Variants in POLR3B observed in about 807,000 individuals in gnomAD.
POLR3B encodes DNA-directed RNA polymerase III subunit RPC2.
POLR3B carries 96 observed loss-of-function variants against 147.4 expected under a neutral mutation model. That is an observed-to-expected ratio of 0.65 (90% CI 0.55 to 0.77). The LOEUF (loss-of-function observed/expected upper bound fraction) is 0.77, where lower values mean the gene tolerates loss of function less well. Among genes scored for constraint, POLR3B ranks in the 30% least tolerant of loss-of-function variants. POLR3B has a pLI of 0.00. For missense variants in POLR3B, 1,036 were observed against 1,413.5 expected (o/e 0.73, Z 4.28); for synonymous variants, 461 against 485.9 (o/e 0.95, Z 0.67).
chr12:106,461,331 G>A (rs2037931432), intron 22 of POLR3B, among the ~76,000 whole-genome samples: 1 of 152,076 alleles, frequency 6.6e-6, no homozygotes, highest in Admixed American at 6.6e-5. Context: ...TTCACCTCAT[G>A]ATCTGCCCAC....
At chr12:106,498,840 C>T (rs1271756190) in intron 25 of POLR3B, among the ~76,000 whole-genome samples, 1 of 152,190 alleles carries the variant, frequency 6.6e-6, no homozygotes, top group Non-Finnish European at 1.5e-5. Context: ...CCTGCCTCGG[C>T]CTCCCAAAGT....
intron 12 of POLR3B, among the ~76,000 whole-genome samples, chr12:106,418,881 T>C (rs1396431183): frequency 6.6e-6 from 1 of 152,234 alleles, no homozygotes; most frequent in Non-Finnish European, 1.5e-5. Flanking sequence ...TGAGGCAGTA[T>C]TTCTGTTGAC....
chr12:106,430,133 A>G (rs1333839076), intron 13 of POLR3B, 140 bp from the exon 14 acceptor site: 5 of 750,758 alleles, frequency 6.7e-6, no homozygotes, highest in Non-Finnish European at 1.2e-5. Flanking sequence ...TAATTGTGAC[A>G]CTTTGATTTC....
chr12:106,383,654 G>A (rs2036795078), intron 9 of POLR3B, among the ~76,000 whole-genome samples: 1 of 152,040 alleles, frequency 6.6e-6, no homozygotes. Context: ...ACGGTTTGTG[G>A]CACCCCAAAA....
chr12:106,467,609 T>C (rs2038024288), intron 23 of POLR3B, among the ~76,000 whole-genome samples: 2 of 152,214 alleles, frequency 1.3e-5, no homozygotes, highest in African/African-American at 2.4e-5. Flanking sequence ...TAGCTCTTAT[T>C]ATTTTGAGGT....
chr12:106,495,996 A>C (rs948156875), intron 23 of POLR3B, 59 bp from the exon 24 acceptor site: 7 of 950,070 alleles, frequency 7.4e-6, no homozygotes, highest in African/African-American at 6.4e-5. Context: ...CCAATTAAGT[A>C]CTGTATTCTT....
intron 23 of POLR3B, among the ~76,000 whole-genome samples, chr12:106,494,812 AC>A (rs1270164141): frequency 6.6e-6 from 1 of 152,198 alleles, no homozygotes; most frequent in Non-Finnish European, 1.5e-5. Flanking sequence ...GCCAATTTAA[AC>A]TAACTACATG....
chr12:106,364,355 G>A (rs1426799466), intron 2 of POLR3B, among the ~76,000 whole-genome samples: 4 of 152,188 alleles, frequency 2.6e-5, no homozygotes, highest in African/African-American at 9.6e-5. Flanking sequence ...ATGTGGTGTC[G>A]GGCTTCAATT....
chr12:106,376,421 C>A lies in POLR3B; in HGVS notation c.467C>A (p.Ala156Asp). 2.5e-6 allele frequency: 4 copies of A among 1,612,808 alleles called. No individual in the cohort carries two copies. Among genetic ancestry groups the A allele is most frequent in the Non-Finnish European group, 3.4e-6 (4 of 1,179,166 alleles). The change falls in exon 7 of 28, where the codon GCC (alanine) becomes GAC (aspartate). Residue 156 changes from alanine to aspartate, a missense_variant. By Grantham distance (126) the Ala-to-Asp change is moderately radical. Around this residue, in one of 12 missense-constraint regions of POLR3B, gnomAD observed 217 missense variants for 288.7 expected, o/e 0.75. Transcript: ENST00000228347. ...ACAGGAAAAACGCCAGCAGAATTTG[C>A]CAAACTGAACGAATGTCCCTTAGAT... ...VLTGKTPAEF[A>D]KLNECPLDPG...
intron 13 of POLR3B, among the ~76,000 whole-genome samples, chr12:106,429,032 G>C (rs1456868374): frequency 6.6e-6 from 1 of 152,148 alleles, no homozygotes; most frequent in Non-Finnish European, 1.5e-5. Flanking sequence ...TTTTGTTCTT[G>C]TTTCTATGTG....
chr12:106,430,312 G>A lies in POLR3B; in HGVS notation c.1303G>A (p.Gly435Ser). 1 of 1,613,996 alleles carries A rather than the reference G, an allele frequency of 6.2e-7. No homozygotes were observed. The highest frequency in any genetic ancestry group is 1.1e-5 in the South Asian group (1 of 91,068). ...AAAGAGATTTAAAATGGACCGCCAG[G>A]GTGTAACCCAAGTGCTGTCTCGCTT... ...SLKRFKMDRQ[G>S]VTQVLSRLSY... Residue 435 changes from glycine to serine, a missense_variant, in exon 14 of 28, where the codon GGT becomes AGT. Gly to Ser is a moderately conservative substitution (Grantham distance 56). Coordinates refer to ENST00000228347, the MANE Select transcript of POLR3B (RefSeq NM_018082.6).
intron 27 of POLR3B, among the ~76,000 whole-genome samples, chr12:106,505,024 T>A (rs2137090228): frequency 6.6e-6 from 1 of 152,356 alleles, no homozygotes; most frequent in Admixed American, 6.5e-5. Flanking sequence ...GGTTGAATGA[T>A]ACCCTGCATT....
chr12:106,423,841 A>G (rs920721654), intron 12 of POLR3B, among the ~76,000 whole-genome samples: 8 of 150,546 alleles, frequency 5.3e-5, no homozygotes, highest in African/African-American at 2.0e-4. Context: ...ATTAACTCAC[A>G]TATCCTTATG....
intron 4 of POLR3B, among the ~76,000 whole-genome samples, chr12:106,368,339 T>C (rs578200634): frequency 7.2e-5 from 11 of 152,228 alleles, no homozygotes; most frequent in African/African-American, 2.6e-4. Context: ...CAGAAATATG[T>C]GTATGTATAC....
Position 106,437,717 on chromosome 12 carries a change from A to G in POLR3B, c.1893A>G (p.Glu631=), listed in dbSNP as rs1471518156. The G allele has an allele frequency of 1.9e-6, 3 of 1,604,652 alleles. No individual in the cohort carries two copies. Among genetic ancestry groups the G allele is most frequent in the East Asian group, 2.2e-5 (1 of 44,764 alleles). ...ATTTCTTACATGAGAGTCTGGTTGA[A>G]TATTTAGATGTGAATGAAGAAAATG... ...FEDFLHESLV[E]YLDVNEENDC... is the part of the protein sequence containing the mutation. Residue 631 remains glutamate (E), a synonymous_variant, in exon 18 of 28, where the codon GAA becomes GAG. Transcript: ENST00000228347.
At chr12:106,431,129 C>G (rs761848896) in intron 14 of POLR3B, among the ~76,000 whole-genome samples, 1 of 152,152 alleles carries the variant, frequency 6.6e-6, no homozygotes, top group Non-Finnish European at 1.5e-5. Context: ...GGTTAGAGTA[C>G]AGGCCCCATG....
At chr12:106,383,705 C>A (rs766576041) in intron 9 of POLR3B, among the ~76,000 whole-genome samples, 1 of 152,014 alleles carries the variant, frequency 6.6e-6, no homozygotes, top group African/African-American at 2.4e-5. Context: ...ATTGGCCGGG[C>A]GCAATAGCTC....
intron 22 of POLR3B, 114 bp downstream of exon 22, chr12:106,459,482 G>A: frequency 2.7e-6 from 2 of 738,832 alleles, no homozygotes; most frequent in Non-Finnish European, 5.0e-6. Context: ...GCAATTTGGG[G>A]TAGCATTACT....
chr12:106,460,840 CAGAT>C (rs2037923719), intron 22 of POLR3B, among the ~76,000 whole-genome samples: 1 of 152,176 alleles, frequency 6.6e-6, no homozygotes, highest in Non-Finnish European at 1.5e-5. Flanking sequence ...AAAATGTGCT[CAGAT>C]ACTTTTTACC....
Sources: gnomAD v4.1 joint callset for allele counts (sites outside exome capture counted in the v4.1 genomes callset) on GRCh38, gnomAD v4.1.1 for gene constraint, gnomAD v4.1.1 regional missense constraint, MANE v1.5 for transcripts, NCBI Gene and HGNC (gene_info 2026-07-23, HGNC 2026-07-21) for gene names.